MAPT: variants seen among roughly 807,000 people sequenced by gnomAD.
MAPT encodes microtubule associated protein tau.
MAPT carries 34 observed loss-of-function variants against 67.9 expected under a neutral mutation model. That is an observed-to-expected ratio of 0.50 (90% confidence interval 0.38 to 0.67). MAPT has a LOEUF of 0.67. MAPT is among the 30% of genes least tolerant of loss of function. The probability of loss-of-function intolerance (pLI) is 0.00; values close to 1 mark genes in which losing one functional copy is unlikely to be tolerated. For synonymous variants in MAPT, 456 were observed against 464.5 expected (o/e 0.98, Z 0.23); for missense variants, 881 against 1,115.2 (o/e 0.79, Z 2.99).
At position 45,971,225 on chromosome 17, in the gene MAPT, C is replaced by T. The variant is rs1055114695; in HGVS notation, c.134-634C>T. On this transcript the variant is annotated intron_variant, in intron 2 of 12. Coordinates refer to ENST00000262410, the MANE Select transcript of MAPT (RefSeq NM_001377265.1). This position sits in a 1 kb window ranked among gnomAD's most constrained non-coding sequence, Gnocchi z 4.3. ...GGGCGTGACTGTCAACCACTGTGAT[C>T]ATTTGGGCCTCTCTTGCCCAGGCTT... 6.6e-5 allele frequency among the ~76,000 whole-genome samples: 10 copies of T among 152,170 alleles called. No individual in the cohort carries two copies. The highest frequency in any genetic ancestry group is 1.0e-4 in the Non-Finnish European group (7 of 68,020).
At chr17:45,959,904 C>T (rs2070195283) in intron 1 of MAPT, among the ~76,000 whole-genome samples, 1 of 152,120 alleles carries the variant, frequency 6.6e-6, no homozygotes, top group Non-Finnish European at 1.5e-5. Flanking sequence ...AAATATGGTA[C>T]ATATGTGGAA....
chr17:45,940,799 C>T (rs962336202), intron 1 of MAPT, among the ~76,000 whole-genome samples: 9 of 152,098 alleles, frequency 5.9e-5, no homozygotes, highest in Non-Finnish European at 1.2e-4. Context: ...AGAATGAGCC[C>T]CCTTAAGAGG....
chr17:45,927,670 C>T (rs1267755456), intron 1 of MAPT, among the ~76,000 whole-genome samples: 1 of 152,094 alleles, frequency 6.6e-6, no homozygotes, highest in Non-Finnish European at 1.5e-5. Flanking sequence ...AGTCAACCAC[C>T]CTAGCTCTCT....
Position 45,996,133 on chromosome 17 carries a change from C to T in MAPT, c.1733-266C>T, listed in dbSNP as rs1366194203. Among the ~76,000 whole-genome samples the T allele has an allele frequency of 6.6e-6, 1 of 152,196 alleles. No homozygotes were observed. The highest frequency in any genetic ancestry group is 1.9e-4 in the East Asian group (1 of 5,196). ...AAGACTGTGGAGCCGAGTTGGCCAC[C>T]TCTCTGGGAGCGGGTATTGGATGGT... On this transcript the variant is annotated intron_variant, in intron 8 of 12. Coordinates refer to ENST00000262410, the MANE Select transcript of MAPT (RefSeq NM_001377265.1). The surrounding 1 kb of genome is among the most constrained non-coding windows in gnomAD (Gnocchi z 4.5).
chr17:45,955,233 C>T (rs1279325835), intron 1 of MAPT, among the ~76,000 whole-genome samples: 1 of 152,216 alleles, frequency 6.6e-6, no homozygotes, highest in Non-Finnish European at 1.5e-5. Context: ...TCCCAACCGT[C>T]CAAGCCCACC....
chr17:45,988,503 G>C (rs548594165), intron 6 of MAPT, among the ~76,000 whole-genome samples: 1 of 151,668 alleles, frequency 6.6e-6, no homozygotes, highest in Admixed American at 6.6e-5. Context: ...TGGTTCCAGG[G>C]CCCCCCCCAG....
chr17:46,010,418 C>T lies in MAPT; in HGVS notation c.2091+16C>T, dbSNP rs63751011. 6.6e-6 allele frequency: 10 copies of T among 1,524,646 alleles called. No homozygotes were observed. Among genetic ancestry groups the T allele is most frequent in the Non-Finnish European group, 8.0e-6 (9 of 1,118,154 alleles). The allele number at this position is 1,524,646 out of a possible 1,614,324, so 94.4% of individuals were successfully genotyped here. A position where few individuals can be genotyped will look rare whatever the true frequency, so the allele number is the denominator to read the frequency against. On this transcript the variant is annotated intron_variant, in intron 10 of 12. Transcript: ENST00000262410. The surrounding 1 kb of genome is among the most constrained non-coding windows in gnomAD (Gnocchi z 4.7). Reference sequence around the variant, plus strand: ...AGGCGGCAGTGTGAGTACCTTCACACGTCCCATGCGCCGTGCTGTGGCTTG... The same window carrying T: ...AGGCGGCAGTGTGAGTACCTTCACATGTCCCATGCGCCGTGCTGTGGCTTG...
At chr17:45,994,861 G>C (rs889279325) in intron 8 of MAPT, among the ~76,000 whole-genome samples, 1 of 151,346 alleles carries the variant, frequency 6.6e-6, no homozygotes, top group Non-Finnish European at 1.5e-5. Context: ...CAAAAATCCA[G>C]TCTCTACTAA....
At chr17:45,924,772 A>G (rs17564619) in intron 1 of MAPT, among the ~76,000 whole-genome samples, 21,836 of 152,320 alleles carry the variant, frequency 0.14, 2,142 homozygotes, top group Middle Eastern at 0.22. Context: ...CCGCTGAGGT[A>G]GGACACTGCC....
chr17:46,023,438 C>A (rs2146215888), intron 12 of MAPT, among the ~76,000 whole-genome samples: 2 of 152,326 alleles, frequency 1.3e-5, no homozygotes, highest in Middle Eastern at 3.4e-3. Context: ...CTGGAGGGTA[C>A]ACAAGAAACT....
At position 45,983,285 on chromosome 17, in the gene MAPT, G is replaced by A; in HGVS notation, c.706G>A (p.Glu236Lys). The change falls in exon 5 of 13, where the codon GAG (glutamate) becomes AAG (lysine). Residue 236 changes from glutamate (E) to lysine (K), a missense_variant. By Grantham distance (56) the Glu-to-Lys change is moderately conservative. Coordinates refer to ENST00000262410, the MANE Select transcript of MAPT (RefSeq NM_001377265.1). ...CATGCCTGGGGCTCCCCTCCTGCCTGAGGGCCCCAGAGAGGCCACACGCCA... is the reference window on the plus strand; with the variant it reads ...CATGCCTGGGGCTCCCCTCCTGCCTAAGGGCCCCAGAGAGGCCACACGCCA... ...SGMPGAPLLP[E>K]GPREATRQPS... is the part of the protein sequence containing the mutation. The A allele has an allele frequency of 1.3e-6, 2 of 1,598,574 alleles. No individual in the cohort carries two copies. Among genetic ancestry groups the A allele is most frequent in the Non-Finnish European group, 1.7e-6 (2 of 1,172,976 alleles).
At position 45,983,062 on chromosome 17, in the gene MAPT, T is replaced by G. The variant is rs1301532316; in HGVS notation, c.483T>G (p.Pro161=). The stretch of plus-strand genomic sequence containing the variant: ...AGCACCGTCCCGTTTGCCCAGCGCC[T>G]CCTCCAACAGGAGGCCCTCAGGAGC... ...LPQHRPVCPA[P]PPTGGPQEPS... Residue 161 remains proline (P), a synonymous_variant, in exon 5 of 13, where the codon CCT becomes CCG. Transcript: ENST00000262410. 6.5e-7 allele frequency: 1 copy of G among 1,529,276 alleles called. No homozygotes were observed. The highest frequency in any genetic ancestry group is 8.8e-7 in the Non-Finnish European group (1 of 1,133,596). 94.7% of individuals were successfully genotyped at this position (1,529,276 alleles called of 1,614,324 possible).
Position 45,941,692 on chromosome 17 carries a change from T to C in MAPT, c.-17-20629T>C, listed in dbSNP as rs1217173051. Among the ~76,000 whole-genome samples, 104 of 71,738 alleles carry C rather than the reference T, an allele frequency of 1.4e-3. 2 individuals are homozygous for C. The highest frequency in any genetic ancestry group is 5.9e-3 in the Middle Eastern group (1 of 170). 47.1% of individuals were successfully genotyped at this position (71,738 alleles called of 152,430 possible). On this transcript the variant is annotated intron_variant, in intron 1 of 12. Transcript: ENST00000262410. ...CTTCCCCCCTTCCCTCCTTCCTTCC[T>C]TCCTTCCTGCCTGCCTTCCTTCCTT... is the stretch of plus-strand genomic sequence containing the variant.
chr17:45,983,289 G>T lies in MAPT; in HGVS notation c.710G>T (p.Gly237Val). The T allele has an allele frequency of 6.3e-7, 1 of 1,598,954 alleles. No individual in the cohort carries two copies. Among genetic ancestry groups the T allele is most frequent in the Middle Eastern group, 1.7e-4 (1 of 6,044 alleles). The change falls in exon 5 of 13, where the codon GGC (glycine) becomes GTC (valine). Residue 237 changes from glycine (G) to valine (V), a missense_variant. Gly to Val is a moderately radical substitution (Grantham distance 109). Coordinates refer to ENST00000262410, the MANE Select transcript of MAPT (RefSeq NM_001377265.1). ...GMPGAPLLPE[G>V]PREATRQPSG... Reference sequence around the variant, plus strand: ...CCTGGGGCTCCCCTCCTGCCTGAGGGCCCCAGAGAGGCCACACGCCAACCT... The same window carrying T: ...CCTGGGGCTCCCCTCCTGCCTGAGGTCCCCAGAGAGGCCACACGCCAACCT...
chr17:46,004,063 G>C (rs144690813), intron 9 of MAPT, among the ~76,000 whole-genome samples: 2 of 150,762 alleles, frequency 1.3e-5, no homozygotes, highest in African/African-American at 4.8e-5. Context: ...TGCCCACCCC[G>C]GGTTAAACTC....
chr17:45,930,398 T>C (rs62061711), intron 1 of MAPT, among the ~76,000 whole-genome samples: 21,745 of 148,002 alleles, frequency 0.15, 2,162 homozygotes, highest in Middle Eastern at 0.22. Context: ...CAGAGCAAGA[T>C]TCTGTCTCCA....
Position 46,018,695 on chromosome 17 carries a change from A to T in MAPT, c.2251A>T (p.Asn751Tyr). The change falls in exon 12 of 13, where the codon AAT becomes TAT. Residue 751 changes from asparagine to tyrosine, a missense_variant. Physicochemically the swap from Asn to Tyr is moderately radical, Grantham distance 143. Transcript: ENST00000262410. ...CCAGTCGAAGATTGGGTCCCTGGACAATATCACCCACGTCCCTGGCGGAGG... is the reference window on the plus strand; with the variant it reads ...CCAGTCGAAGATTGGGTCCCTGGACTATATCACCCACGTCCCTGGCGGAGG... ...RVQSKIGSLD[N>Y]ITHVPGGGNK... The T allele has an allele frequency of 2.5e-6, 4 of 1,614,226 alleles. No homozygotes were observed. The highest frequency in any genetic ancestry group is 3.4e-6 in the Non-Finnish European group (4 of 1,180,012).
intron 1 of MAPT, among the ~76,000 whole-genome samples, chr17:45,900,298 T>A (rs546162926): frequency 2.2e-4 from 33 of 152,312 alleles, no homozygotes; most frequent in Non-Finnish European, 3.5e-4. Context: ...TCCTTTCCTG[T>A]CTCCAGGTGC....
chr17:46,015,511 T>C (rs146062914), intron 11 of MAPT, among the ~76,000 whole-genome samples: 57 of 151,754 alleles, frequency 3.8e-4, no homozygotes, highest in African/African-American at 1.3e-3. Flanking sequence ...TACAAAAAAT[T>C]AGCCAGGCGT....
Sources: allele counts gnomAD v4.1 joint callset (sites outside exome capture counted in the v4.1 genomes callset), GRCh38; gene constraint gnomAD v4.1.1; non-coding constraint Gnocchi (gnomAD v3.1); transcripts MANE v1.5; gene names NCBI Gene and HGNC (gene_info 2026-07-23, HGNC 2026-07-21).